Variants in TRPC4AP observed in about 807,000 individuals in gnomAD.
The protein encoded by TRPC4AP is transient receptor potential cation channel subfamily C member 4 associated protein, also known as short transient receptor potential channel 4-associated protein.
Under a neutral mutation model 99.0 loss-of-function variants are expected in TRPC4AP, and 45 were observed. The ratio of observed to expected loss-of-function variants is 0.45; its 90% confidence interval spans 0.36 to 0.58. The LOEUF (loss-of-function observed/expected upper bound fraction) is 0.58. TRPC4AP is among the 20% of genes least tolerant of loss of function. The probability of loss-of-function intolerance (pLI) is 0.00; values close to 1 mark genes in which losing one functional copy is unlikely to be tolerated. For synonymous variants in TRPC4AP, 408 were observed against 385.8 expected, an observed-to-expected ratio of 1.06 and a Z score of -0.67; for missense variants, 879 against 985.3, an observed-to-expected ratio of 0.89 and a Z score of 1.44.
At chr20:35,091,876 T>C (rs2085076603) in intron 1 of TRPC4AP, among the ~76,000 whole-genome samples, 1 of 152,144 alleles carries the variant, frequency 6.6e-6, no homozygotes, top group Non-Finnish European at 1.5e-5. Context: ...ATCTTCATCT[T>C]ACAAGTGAGG....
chr20:35,071,222 T>G (rs1169656212), intron 2 of TRPC4AP, among the ~76,000 whole-genome samples: 1 of 152,196 alleles, frequency 6.6e-6, no homozygotes, highest in Non-Finnish European at 1.5e-5. Flanking sequence ...TGAAGAACAC[T>G]GTCATTCAGT....
At chr20:35,004,918 A>G (rs17092209) in intron 16 of TRPC4AP, among the ~76,000 whole-genome samples, 12,642 of 152,286 alleles carry the variant, frequency 0.083, 725 homozygotes, top group Middle Eastern at 0.13. Flanking sequence ...CTGCATTAAG[A>G]AAAACAACGC....
At chr20:35,007,763 C>A in intron 13 of TRPC4AP, 123 bp from the exon 14 acceptor site, 3 of 975,440 alleles carry the variant, frequency 3.1e-6, no homozygotes, top group African/African-American at 1.6e-5. Context: ...GAACATCTAC[C>A]AAGCATCAGG....
At chr20:35,059,981 A>G (rs2083953996) in intron 3 of TRPC4AP, among the ~76,000 whole-genome samples, 1 of 152,096 alleles carries the variant, frequency 6.6e-6, no homozygotes, top group South Asian at 2.1e-4. Flanking sequence ...TATAACAAGT[A>G]GAGACTGACT....
chr20:35,024,951 T>A (rs1414765362), intron 8 of TRPC4AP, among the ~76,000 whole-genome samples: 1 of 152,118 alleles, frequency 6.6e-6, no homozygotes, highest in African/African-American at 2.4e-5. Context: ...GAACAAATTT[T>A]TGTGTAACAT....
At chr20:35,018,343 C>A (rs976113138) in intron 9 of TRPC4AP, among the ~76,000 whole-genome samples, 4 of 152,154 alleles carry the variant, frequency 2.6e-5, no homozygotes, top group Non-Finnish European at 5.9e-5. Flanking sequence ...GCCTGTTAAT[C>A]CCAGCACTTT....
chr20:35,081,540 T>A (rs747086805), intron 1 of TRPC4AP, among the ~76,000 whole-genome samples: 1 of 150,184 alleles, frequency 6.7e-6, no homozygotes, highest in African/African-American at 2.5e-5. Flanking sequence ...TAAAATAAAA[T>A]AAAAATAAAA....
rs1356845785 is a variant in TRPC4AP, at chr20:35,010,265, T to A, written c.1433A>T (p.Asn478Ile). The A allele has an allele frequency of 6.2e-7, 1 of 1,614,024 alleles. No individual in the cohort carries two copies. The highest frequency in any genetic ancestry group is 1.3e-5 in the African/African-American group (1 of 74,918). The change falls in exon 12 of 19, where the codon AAC becomes ATC. Residue 478 changes from asparagine to isoleucine, a missense_variant. Coordinates refer to ENST00000252015, the MANE Select transcript of TRPC4AP (RefSeq NM_015638.3). Reference sequence around the variant, plus strand: ...GGCACTGAGTTCATTCAGCTCCTGGTTGTTGAGTAACAAGTACTTGTTCCT... The same window carrying A: ...GGCACTGAGTTCATTCAGCTCCTGGATGTTGAGTAACAAGTACTTGTTCCT... ...HHENKYLLLN[N>I]QELNELSAIS...
At chr20:35,064,470 G>A (rs181147289) in intron 3 of TRPC4AP, among the ~76,000 whole-genome samples, 36 of 152,324 alleles carry the variant, frequency 2.4e-4, no homozygotes, top group African/African-American at 8.7e-4. Flanking sequence ...GCATGAATGT[G>A]ACACTATAAT....
At chr20:35,084,195 G>A (rs982532713) in intron 1 of TRPC4AP, among the ~76,000 whole-genome samples, 1 of 151,372 alleles carries the variant, frequency 6.6e-6, no homozygotes, top group African/African-American at 2.4e-5. Flanking sequence ...CCAGCTACTC[G>A]GGGGGCATAG....
chr20:35,037,911 A>G (rs188817363), intron 7 of TRPC4AP, among the ~76,000 whole-genome samples: 4 of 152,198 alleles, frequency 2.6e-5, no homozygotes, highest in African/African-American at 9.6e-5. Context: ...GGTTTGTGCA[A>G]GTACACTCTA....
Position 35,022,108 on chromosome 20 carries a change from G to A in TRPC4AP, c.1052-752C>T, listed in dbSNP as rs185048622. ...GTTACTGTGCAGACTGAATGGGAAC[G>A]TAAGAGAAGCCCAGCATCTGATTCT... On this transcript the variant is annotated intron_variant, in intron 8 of 18. Coordinates refer to ENST00000252015, the MANE Select transcript of TRPC4AP (RefSeq NM_015638.3). Among the ~76,000 whole-genome samples the A allele has an allele frequency of 3.9e-5, 6 of 152,234 alleles. No homozygotes were observed. The East Asian group carries it at 7.7e-4, about 20-fold the overall frequency.
chr20:35,048,164 T>C (rs535063156), intron 6 of TRPC4AP, among the ~76,000 whole-genome samples: 2 of 152,216 alleles, frequency 1.3e-5, no homozygotes, highest in East Asian at 1.9e-4. Flanking sequence ...CATTGCCCAT[T>C]TGTCTACTGG....
rs774793062 is a variant in TRPC4AP, at chr20:35,054,955, C to T, written c.528+21G>A. On this transcript the variant is annotated intron_variant, in intron 5 of 18. Coordinates refer to ENST00000252015, the MANE Select transcript of TRPC4AP (RefSeq NM_015638.3). ...ACCTGGTAGGGGAGATAAACAGAGC[C>T]CCAGTGGCAGGGGTACTTACACAGA... The T allele has an allele frequency of 2.5e-6, 4 of 1,607,220 alleles. No individual in the cohort carries two copies. In the Admixed American group the frequency reaches 5.0e-5, roughly 20 times the overall value.
Position 35,044,612 on chromosome 20 carries a change from A to G in TRPC4AP, c.758T>C (p.Ile253Thr). The change falls in exon 7 of 19, where the codon ATT (isoleucine) becomes ACT (threonine). Residue 253 changes from isoleucine to threonine, a missense_variant. Around this residue, in one of 3 missense-constraint regions of TRPC4AP, gnomAD observed 603 missense variants for 631.8 expected, o/e 0.95. Coordinates refer to ENST00000252015, the MANE Select transcript of TRPC4AP (RefSeq NM_015638.3). ...ANFCRILAVT[I>T]SEMDTGNDDK... ...ATCATTCCCTGTATCCATCTCTGAA[A>G]TGGTGACAGCCAGAATCCGGCAGAA... 5.6e-6 allele frequency: 9 copies of G among 1,614,152 alleles called. No individual in the cohort carries two copies. The highest frequency in any genetic ancestry group is 7.6e-6 in the Non-Finnish European group (9 of 1,180,020).
chr20:35,073,304 G>A lies in TRPC4AP; in HGVS notation c.298-3892C>T, dbSNP rs953524938. On this transcript the variant is annotated intron_variant, in intron 2 of 18. Transcript: ENST00000252015. The stretch of plus-strand genomic sequence containing the variant: ...CCTGACTTCCCTGGCCAAAACTTCC[G>A]ACACTATGTTGAATAGGAGTGTGCT... Among the ~76,000 whole-genome samples the A allele has an allele frequency of 4.6e-5, 7 of 152,160 alleles. No homozygotes were observed. In the South Asian group the frequency reaches 8.3e-4, roughly 18 times the overall value.
At chr20:35,003,904 C>G (rs1442714685) in intron 17 of TRPC4AP, among the ~76,000 whole-genome samples, 1 of 152,204 alleles carries the variant, frequency 6.6e-6, no homozygotes, top group Non-Finnish European at 1.5e-5. Context: ...TCCGGAAGGT[C>G]CGTCCCAGGC....
chr20:35,029,787 CA>C (rs2083130867), intron 8 of TRPC4AP, among the ~76,000 whole-genome samples: 1 of 149,362 alleles, frequency 6.7e-6, no homozygotes, highest in East Asian at 2.0e-4. Flanking sequence ...AGGCGCCCGC[CA>C]CCACGCCCAG....
At chr20:35,073,670 T>C (rs1430902945) in intron 2 of TRPC4AP, among the ~76,000 whole-genome samples, 1 of 152,258 alleles carries the variant, frequency 6.6e-6, no homozygotes, top group Non-Finnish European at 1.5e-5. Flanking sequence ...TGGATTTGGT[T>C]TGCCAGTATT....
Sources: allele counts gnomAD v4.1 joint callset (sites outside exome capture counted in the v4.1 genomes callset), GRCh38; gene constraint gnomAD v4.1.1; regional missense constraint gnomAD v4.1.1; transcripts MANE v1.5; gene names NCBI Gene and HGNC (gene_info 2026-07-23, HGNC 2026-07-21).